The following CNTNAP2 variants were observed in gnomAD, a reference collection of about 807,000 sequenced individuals.
The protein encoded by CNTNAP2 is contactin-associated protein-like 2.
A neutral mutation model predicts 155.2 loss-of-function variants in CNTNAP2; 98 were observed. The ratio of observed to expected loss-of-function variants is 0.63; its 90% CI spans 0.54 to 0.75. The LOEUF (loss-of-function observed/expected upper bound fraction) is 0.75. Among genes scored for constraint, CNTNAP2 ranks in the 30% least tolerant of loss-of-function variants. The probability of loss-of-function intolerance (pLI) is 0.00; values close to 1 mark genes in which losing one functional copy is unlikely to be tolerated. For missense variants in CNTNAP2, 1,727 were observed against 1,688.1 expected (o/e 1.02, Z -0.40); for synonymous variants, 651 against 631.2 (o/e 1.03, Z -0.47).
At chr7:148,298,094 A>G (rs1797317874) in intron 21 of CNTNAP2, among the ~76,000 whole-genome samples, 1 of 152,250 alleles carries the variant, frequency 6.6e-6, no homozygotes, top group Admixed American at 6.5e-5. Flanking sequence ...GTAGGAAACA[A>G]TAATGACTTA....
intron 1 of CNTNAP2, among the ~76,000 whole-genome samples, chr7:146,658,337 T>C (rs1221372911): frequency 1.3e-5 from 2 of 152,090 alleles, no homozygotes; most frequent in Non-Finnish European, 2.9e-5. Flanking sequence ...AGTGCTGGTG[T>C]TTGAACGGAG....
intron 15 of CNTNAP2, among the ~76,000 whole-genome samples, chr7:148,105,743 C>T (rs1443893889): frequency 1.3e-5 from 2 of 152,046 alleles, no homozygotes; most frequent in Admixed American, 1.3e-4. Context: ...CCTGCCACCA[C>T]ACTCAGCTAA....
At chr7:148,189,141 A>G (rs930125803) in intron 18 of CNTNAP2, among the ~76,000 whole-genome samples, 3 of 152,226 alleles carry the variant, frequency 2.0e-5, no homozygotes, top group African/African-American at 4.8e-5. Context: ...TGCAGTATAC[A>G]CTGAGAATGC....
chr7:146,151,162 C>T (rs113068890), intron 1 of CNTNAP2, among the ~76,000 whole-genome samples: 148 of 152,152 alleles, frequency 9.7e-4, no homozygotes, highest in African/African-American at 3.3e-3. Flanking sequence ...AGTCACTTCC[C>T]ACCAGGTTTC....
chr7:147,341,046 C>A (rs188619476), intron 9 of CNTNAP2, among the ~76,000 whole-genome samples: 1 of 147,774 alleles, frequency 6.8e-6, no homozygotes, highest in Non-Finnish European at 1.5e-5. Flanking sequence ...TATAGACATG[C>A]CTGCCTCTTC....
At chr7:148,081,328 T>C (rs926678844) in intron 15 of CNTNAP2, among the ~76,000 whole-genome samples, 1 of 151,998 alleles carries the variant, frequency 6.6e-6, no homozygotes, top group Non-Finnish European at 1.5e-5. Flanking sequence ...TGATCTTGGG[T>C]GTGTATGTGA....
intron 1 of CNTNAP2, among the ~76,000 whole-genome samples, chr7:146,355,518 T>C (rs1794984801): frequency 6.6e-6 from 1 of 152,198 alleles, no homozygotes; most frequent in Non-Finnish European, 1.5e-5. Flanking sequence ...CAAAATGGCC[T>C]CTGGTAATGA....
At chr7:146,827,514 T>A (rs972007937) in intron 2 of CNTNAP2, among the ~76,000 whole-genome samples, 8 of 151,220 alleles carry the variant, frequency 5.3e-5, no homozygotes, top group African/African-American at 1.2e-4. Flanking sequence ...TTTTTTTTTT[T>A]ATATCAGAGA....
At chr7:148,248,289 C>A (rs1052878669) in intron 20 of CNTNAP2, among the ~76,000 whole-genome samples, 2 of 151,994 alleles carry the variant, frequency 1.3e-5, no homozygotes, top group African/African-American at 4.8e-5. Flanking sequence ...ACCTCCACCT[C>A]CCAGATTCAA....
chr7:148,373,281 C>T (rs2116643898), intron 21 of CNTNAP2, among the ~76,000 whole-genome samples: 1 of 150,720 alleles, frequency 6.6e-6, no homozygotes, highest in East Asian at 1.9e-4. Flanking sequence ...CGTGGTGAAA[C>T]CCCGTCTCTA....
intron 13 of CNTNAP2, among the ~76,000 whole-genome samples, chr7:147,807,441 A>G (rs1584966153): frequency 6.6e-6 from 1 of 152,024 alleles, no homozygotes; most frequent in Non-Finnish European, 1.5e-5. Flanking sequence ...TGCATGCTGT[A>G]TCAAAATATT....
At chr7:146,333,087 G>A (rs1286123394) in intron 1 of CNTNAP2, among the ~76,000 whole-genome samples, 1 of 151,708 alleles carries the variant, frequency 6.6e-6, no homozygotes, top group Admixed American at 6.6e-5. Context: ...AGGATTATAG[G>A]CGTGTGCCAC....
chr7:147,979,077 C>T (rs952824218), intron 15 of CNTNAP2, among the ~76,000 whole-genome samples: 1 of 152,184 alleles, frequency 6.6e-6, no homozygotes, highest in Admixed American at 6.5e-5. Flanking sequence ...TCCTAAGGAA[C>T]GTAATGATGC....
intron 2 of CNTNAP2, among the ~76,000 whole-genome samples, chr7:146,789,216 A>G (rs1802629712): frequency 6.6e-6 from 1 of 152,206 alleles, no homozygotes; most frequent in Non-Finnish European, 1.5e-5. Context: ...TGACTTCAAA[A>G]TAATTCACTA....
intron 1 of CNTNAP2, among the ~76,000 whole-genome samples, chr7:146,287,445 C>T (rs1160305815): frequency 6.6e-6 from 1 of 152,156 alleles, no homozygotes; most frequent in Non-Finnish European, 1.5e-5. Context: ...GGCAACTTCT[C>T]CTTAGTGTTT....
chr7:147,010,663 T>C (rs975442786), intron 3 of CNTNAP2, among the ~76,000 whole-genome samples: 3 of 152,122 alleles, frequency 2.0e-5, no homozygotes, highest in African/African-American at 7.2e-5. Flanking sequence ...CATATAGTTA[T>C]GGACAAAGAC....
At chr7:147,796,312 C>T (rs1797894261) in intron 13 of CNTNAP2, among the ~76,000 whole-genome samples, 1 of 152,116 alleles carries the variant, frequency 6.6e-6, no homozygotes, top group Non-Finnish European at 1.5e-5. Context: ...CTCTAATTGG[C>T]CTCATTTTAA....
At chr7:146,486,444 CA>C (rs571992971) in intron 1 of CNTNAP2, among the ~76,000 whole-genome samples, 14 of 151,790 alleles carry the variant, frequency 9.2e-5, no homozygotes, top group Non-Finnish European at 1.9e-4. Flanking sequence ...TGTTTTAAAG[CA>C]AAAAAATAAA....
At chr7:147,614,208 T>G (rs1420481311) in intron 12 of CNTNAP2, among the ~76,000 whole-genome samples, 4 of 152,224 alleles carry the variant, frequency 2.6e-5, no homozygotes, top group Admixed American at 2.6e-4. Context: ...CCTTGGCTCT[T>G]AAATACAAAT....
Sources: allele counts gnomAD v4.1 joint callset (sites outside exome capture counted in the v4.1 genomes callset), GRCh38; gene constraint gnomAD v4.1.1; transcripts MANE v1.5; gene names NCBI Gene and HGNC (gene_info 2026-07-23, HGNC 2026-07-21).